Variants in PCSK5 observed in about 807,000 individuals in gnomAD.
PCSK5 encodes the protein prohormone convertase 5.
In PCSK5, 129 loss-of-function variants were observed where a neutral mutation model predicts 233.2. The observed-to-expected ratio is 0.55, with a 90% confidence interval of 0.48 to 0.64. The LOEUF (loss-of-function observed/expected upper bound fraction) is 0.64, where lower values mean the gene tolerates loss of function less well. Ranked by LOEUF, PCSK5 falls within the 30% of genes least tolerant of loss-of-function variation. The pLI is 0.00. For missense variants in PCSK5, 2,076 were observed against 2,430.1 expected (o/e 0.85, Z 3.06); for synonymous variants, 825 against 879.2 (o/e 0.94, Z 1.09).
At chr9:76,268,852 A>G (rs1311477757) in intron 24 of PCSK5, among the ~76,000 whole-genome samples, 1 of 152,218 alleles carries the variant, frequency 6.6e-6, no homozygotes, top group East Asian at 1.9e-4. Flanking sequence ...CTCAGAATCA[A>G]AACAAAACAA....
At chr9:75,996,158 C>T (rs954432539) in intron 3 of PCSK5, among the ~76,000 whole-genome samples, 2 of 152,130 alleles carry the variant, frequency 1.3e-5, no homozygotes, top group East Asian at 1.9e-4. Flanking sequence ...AAAGCAAACT[C>T]GTATCTCAGG....
At chr9:76,279,062 C>T (rs1309173181) in intron 24 of PCSK5, among the ~76,000 whole-genome samples, 1 of 120,740 alleles carries the variant, frequency 8.3e-6, no homozygotes, top group Non-Finnish European at 1.7e-5. Context: ...TCCCTCCCCC[C>T]TCCCCCCACC....
At position 76,031,783 on chromosome 9, in the gene PCSK5, G is replaced by A. The variant is rs145854149; in HGVS notation, c.632+4746G>A. ...TAATAGATGCTACATAATTACAGTT[G>A]TTATTATTATAATTGTGTGTTCTAT... On this transcript the variant is annotated intron_variant, in intron 5 of 37. Transcript: ENST00000674117. Among the ~76,000 whole-genome samples, 391 of 152,090 alleles carry A rather than the reference G, an allele frequency of 2.6e-3. 2 individuals carry two copies. The highest frequency in any genetic ancestry group is 8.8e-3 in the African/African-American group (366 of 41,392).
At chr9:76,060,212 A>G (rs1204216906) in intron 5 of PCSK5, among the ~76,000 whole-genome samples, 1 of 152,206 alleles carries the variant, frequency 6.6e-6, no homozygotes, top group Non-Finnish European at 1.5e-5. Context: ...ATCTGCATAT[A>G]TCTTTTAACT....
At chr9:75,970,822 C>T (rs543498700) in intron 2 of PCSK5, among the ~76,000 whole-genome samples, 15 of 152,134 alleles carry the variant, frequency 9.9e-5, no homozygotes, top group Non-Finnish European at 1.6e-4. Context: ...GAAGTTTCAC[C>T]GTGTTGCCCA....
chr9:75,952,667 A>C (rs545129824), intron 2 of PCSK5, among the ~76,000 whole-genome samples: 1 of 151,946 alleles, frequency 6.6e-6, no homozygotes. Flanking sequence ...TGCTTTCCGG[A>C]CCTGTAGTTT....
At chr9:76,004,838 G>A (rs1827409519) in intron 3 of PCSK5, among the ~76,000 whole-genome samples, 1 of 152,130 alleles carries the variant, frequency 6.6e-6, no homozygotes, top group Non-Finnish European at 1.5e-5. Flanking sequence ...TGTTCACCTT[G>A]TGTCTTCTCT....
intron 16 of PCSK5, 63 bp from the exon 17 acceptor site, chr9:76,184,608 ATC>A: frequency 9.7e-7 from 1 of 1,035,862 alleles, no homozygotes; most frequent in Non-Finnish European, 1.5e-6. Context: ...GCATTAGAAC[ATC>A]TCTGATGCTT....
intron 2 of PCSK5, among the ~76,000 whole-genome samples, chr9:75,984,374 C>CG (rs1176591454): frequency 6.6e-6 from 1 of 152,120 alleles, no homozygotes; most frequent in Non-Finnish European, 1.5e-5. Context: ...TGATACTTTC[C>CG]GGTTTATGCA....
intron 24 of PCSK5, among the ~76,000 whole-genome samples, chr9:76,256,033 T>C (rs1826971660): frequency 6.6e-6 from 1 of 152,222 alleles, no homozygotes; most frequent in African/African-American, 2.4e-5. Context: ...TACACTATTT[T>C]CCTAAAGAAC....
chr9:76,189,013 C>T, intron 18 of PCSK5, 81 bp from the exon 19 acceptor site: 1 of 1,219,842 alleles, frequency 8.2e-7, no homozygotes, highest in Non-Finnish European at 1.1e-6. Flanking sequence ...GCCATTTTCT[C>T]AAACTGTTAA....
At chr9:76,290,433 T>C (rs924112642) in intron 24 of PCSK5, among the ~76,000 whole-genome samples, 1 of 152,182 alleles carries the variant, frequency 6.6e-6, no homozygotes, top group Non-Finnish European at 1.5e-5. Context: ...TTACAAACCA[T>C]GTTGACCCAG....
chr9:76,304,317 G>C (rs376026017), intron 28 of PCSK5, among the ~76,000 whole-genome samples: 1 of 152,152 alleles, frequency 6.6e-6, no homozygotes, highest in Non-Finnish European at 1.5e-5. Flanking sequence ...TCCTATCTAT[G>C]TATGTACCTT....
At chr9:76,007,796 T>TGTGTGTG (rs1827542652) in intron 3 of PCSK5, among the ~76,000 whole-genome samples, 3 of 128,224 alleles carry the variant, frequency 2.3e-5, no homozygotes, top group African/African-American at 5.9e-5. Context: ...CCGGCTAATT[T>TGTGTGTG]TGTGTGTGTG....
chr9:76,019,377 T>A (rs931676451), intron 3 of PCSK5, among the ~76,000 whole-genome samples: 4 of 152,122 alleles, frequency 2.6e-5, no homozygotes, highest in Admixed American at 2.6e-4. Context: ...TAAAACAGGT[T>A]TTTGGATATT....
chr9:76,139,278 A>G (rs1409217019), intron 10 of PCSK5, among the ~76,000 whole-genome samples: 2 of 152,140 alleles, frequency 1.3e-5, no homozygotes, highest in East Asian at 3.9e-4. Flanking sequence ...TTTTGAGTAT[A>G]AAGTGATTTC....
intron 3 of PCSK5, among the ~76,000 whole-genome samples, chr9:76,014,097 C>T (rs558376277): frequency 2.0e-5 from 3 of 152,118 alleles, no homozygotes; most frequent in Non-Finnish European, 4.4e-5. Context: ...GCAGAGGTTT[C>T]TCAGCAGATT....
intron 7 of PCSK5, among the ~76,000 whole-genome samples, chr9:76,077,579 G>A (rs922553573): frequency 6.6e-6 from 1 of 151,956 alleles, no homozygotes; most frequent in Non-Finnish European, 1.5e-5. Context: ...CCCATAGTCT[G>A]CAGTGTCTGT....
At chr9:76,324,141 G>A (rs1451264824) in intron 32 of PCSK5, among the ~76,000 whole-genome samples, 1 of 151,928 alleles carries the variant, frequency 6.6e-6, no homozygotes, top group Non-Finnish European at 1.5e-5. Context: ...GACCAGGCTG[G>A]TCTTGAACTC....
Sources: allele counts gnomAD v4.1 joint callset (sites outside exome capture counted in the v4.1 genomes callset), GRCh38; gene constraint gnomAD v4.1.1; transcripts MANE v1.5; gene names NCBI Gene and HGNC (gene_info 2026-07-23, HGNC 2026-07-21).